Variants in SLC39A8 observed in about 807,000 individuals in gnomAD.
SLC39A8 encodes solute carrier family 39 member 8.
In SLC39A8, 15 loss-of-function variants were observed where a neutral mutation model predicts 40.4. The observed-to-expected ratio is 0.37, with a 90% CI of 0.25 to 0.57. SLC39A8 has a LOEUF of 0.57. Among genes scored for constraint, SLC39A8 ranks in the 20% least tolerant of loss-of-function variants. The pLI is 0.75. For synonymous variants in SLC39A8, 223 were observed against 221.6 expected (o/e 1.01, Z -0.06); for missense variants, 472 against 558.8 (o/e 0.84, Z 1.57).
chr4:102,256,146 T>C (rs1731703873), intron 11 of SLC39A8, among the ~76,000 whole-genome samples: 1 of 152,192 alleles, frequency 6.6e-6, no homozygotes, highest in African/African-American at 2.4e-5. Flanking sequence ...GGTTAGCACA[T>C]ACAATGACTC....
In SLC39A8 at chr4:102,344,693, G is replaced by A. The variant is rs528889379; in HGVS notation, c.-31C>T. Reference sequence around the variant, plus strand: ...CCTGGGCTTCCCCTTGAGGGCCCGCGACGGGCTGCCGCGCAGAGGGACGCG... The same window carrying A: ...CCTGGGCTTCCCCTTGAGGGCCCGCAACGGGCTGCCGCGCAGAGGGACGCG... On this transcript the variant is annotated 5_prime_UTR_variant, in exon 2 of 9. Transcript: ENST00000356736. 127 of 1,417,490 alleles carry A rather than the reference G, an allele frequency of 9.0e-5. No individual in the cohort carries two copies. Among genetic ancestry groups the A allele is most frequent in the Admixed American group, 1.4e-4 (4 of 29,384 alleles). 87.8% of individuals were successfully genotyped at this position (1,417,490 alleles called of 1,614,324 possible).
chr4:102,285,551 T>C (rs909769033), intron 6 of SLC39A8, among the ~76,000 whole-genome samples: 1 of 152,038 alleles, frequency 6.6e-6, no homozygotes, highest in African/African-American at 2.4e-5. Context: ...AAAAGTGAAA[T>C]TTGTTATCTG....
Position 102,307,333 on chromosome 4 carries a change from G to A in SLC39A8, c.552+103C>T, listed in dbSNP as rs148020713. The A allele has an allele frequency of 6.8e-5, 91 of 1,334,302 alleles. No homozygotes were observed. In the African/African-American group the frequency reaches 1.1e-3, roughly 17 times the overall value. 82.7% of individuals were successfully genotyped at this position (1,334,302 alleles called of 1,614,324 possible). Reference sequence around the variant, plus strand: ...CTCTTATCCAAGACACTATAAACTAGACCATAAAACGCTGTAAGAATTATG... The same window carrying A: ...CTCTTATCCAAGACACTATAAACTAAACCATAAAACGCTGTAAGAATTATG... On this transcript the variant is annotated intron_variant, in intron 4 of 8. Transcript: ENST00000356736.
intron 2 of SLC39A8, among the ~76,000 whole-genome samples, chr4:102,324,066 A>G (rs1203864696): frequency 6.6e-6 from 1 of 152,156 alleles, no homozygotes; most frequent in African/African-American, 2.4e-5. Flanking sequence ...CAATATATTC[A>G]TGTAACAAAA....
intron 2 of SLC39A8, chr4:102,324,287 C>T (rs565436201): frequency 7.8e-5 from 25 of 321,026 alleles, no homozygotes; most frequent in Admixed American, 2.1e-4. Context: ...CCCAGCTACT[C>T]GGAAGGCTGA....
At chr4:102,289,570 A>C (rs1733330861) in intron 6 of SLC39A8, among the ~76,000 whole-genome samples, 2 of 152,188 alleles carry the variant, frequency 1.3e-5, no homozygotes, top group Admixed American at 6.6e-5. Flanking sequence ...TCATCAATCT[A>C]GATGCCATTA....
chr4:102,257,906 A>G (rs534562877), downstream of SLC39A8, among the ~76,000 whole-genome samples: 13 of 152,262 alleles, frequency 8.5e-5, no homozygotes, highest in South Asian at 2.5e-3. Context: ...CGCTGGAGGG[A>G]TACTGCAACA....
chr4:102,258,111 GTTTTTTT>G (rs761041063), downstream of SLC39A8, among the ~76,000 whole-genome samples: 17 of 143,830 alleles, frequency 1.2e-4, no homozygotes, highest in Non-Finnish European at 1.7e-4. Flanking sequence ...TTTGTTTTTT[GTTTTTTT>G]TTTTGAGACG....
chr4:102,276,649 T>A (rs1170870936), intron 6 of SLC39A8, among the ~76,000 whole-genome samples: 1 of 152,168 alleles, frequency 6.6e-6, no homozygotes, highest in Non-Finnish European at 1.5e-5. Flanking sequence ...GAGGCCAGCA[T>A]CATCCTGATA....
intron 2 of SLC39A8, among the ~76,000 whole-genome samples, chr4:102,335,793 C>T (rs1003194509): frequency 6.6e-6 from 1 of 152,152 alleles, no homozygotes; most frequent in African/African-American, 2.4e-5. Context: ...CTGTAAAAGC[C>T]TCTCTGAAGG....
chr4:102,307,616 G>A lies in SLC39A8; in HGVS notation c.383-11C>T, dbSNP rs1319583047. On this transcript the variant is annotated splice_polypyrimidine_tract_variant and intron_variant, in intron 3 of 8. Transcript: ENST00000356736. The stretch of plus-strand genomic sequence containing the variant: ...ATCCATATCCCCAAACTGTGGGTCA[G>A]AGGGAAAAGAGAGTAGAAATTAATC... 1 of 1,607,446 alleles carries A rather than the reference G, an allele frequency of 6.2e-7. No individual in the cohort carries two copies.
chr4:102,339,737 GTTTCTCCAAA>G (rs1735827664), intron 2 of SLC39A8, among the ~76,000 whole-genome samples: 1 of 152,066 alleles, frequency 6.6e-6, no homozygotes, highest in African/African-American at 2.4e-5. Flanking sequence ...TACCTTCTGA[GTTTCTCCAAA>G]TTCAAGTGGT....
intron 2 of SLC39A8, among the ~76,000 whole-genome samples, chr4:102,334,398 A>G (rs72926726): frequency 0.021 from 3,168 of 152,238 alleles, 99 homozygotes; most frequent in African/African-American, 0.071. Flanking sequence ...TTCTCACAAT[A>G]TTGTTTCGAG....
chr4:102,279,382 G>A (rs544896188), intron 6 of SLC39A8, among the ~76,000 whole-genome samples: 2 of 152,252 alleles, frequency 1.3e-5, no homozygotes, highest in African/African-American at 4.8e-5. Flanking sequence ...AGGGGGAATT[G>A]ATTTTCTGCT....
At chr4:102,320,355 T>TATATATATGAGTATATATATATGAGA (rs1734882887) in intron 2 of SLC39A8, among the ~76,000 whole-genome samples, 3 of 127,050 alleles carry the variant, frequency 2.4e-5, no homozygotes, top group Non-Finnish European at 3.2e-5. Flanking sequence ...TATATGAGAA[T>TATATATATGAGTATATATATATGAGA]ATATATATGA....
chr4:102,344,533 A>G lies in SLC39A8; in HGVS notation c.130T>C (p.Ser44Pro). 6.4e-7 allele frequency: 1 copy of G among 1,559,054 alleles called. No individual in the cohort carries two copies. Among genetic ancestry groups the G allele is most frequent in the South Asian group, 1.2e-5 (1 of 84,418 alleles). Residue 44 changes from serine (S) to proline (P), a missense_variant, in exon 2 of 9, where the codon TCG (serine) becomes CCG (proline). Ser to Pro is a moderately conservative substitution (Grantham distance 74). Coordinates refer to ENST00000356736, the MANE Select transcript of SLC39A8 (RefSeq NM_001135146.2). ...LSVFGANLSL[S>P]AAQLQHLLEQ... ...AGCAAGTGCTGGAGCTGCGCCGCCG[A>G]CAGGCTCAGATTCGCGCCGAACACG...
chr4:102,342,584 ATTATGGGCTTC>A lies in SLC39A8; in HGVS notation c.219+1849_219+1859del, dbSNP rs534131046. Among the ~76,000 whole-genome samples, 75 of 152,336 alleles carry A rather than the reference ATTATGGGCTTC, an allele frequency of 4.9e-4. 1 individual carries two copies. The highest frequency in any genetic ancestry group is 1.7e-3 in the African/African-American group (72 of 41,574). ...TTGGCTTCCTTTTCTTTCCAAGGTA[ATTATGGGCTTC>A]TTCCTGTCTCTTTTTGATGCCCACA... On this transcript the variant is annotated intron_variant, in intron 2 of 8. Coordinates refer to ENST00000356736, the MANE Select transcript of SLC39A8 (RefSeq NM_001135146.2).
At chr4:102,299,999 T>A (rs1733848195) in intron 6 of SLC39A8, among the ~76,000 whole-genome samples, 1 of 152,068 alleles carries the variant, frequency 6.6e-6, no homozygotes, top group South Asian at 2.1e-4. Flanking sequence ...ACACAAAGCA[T>A]GTCACAAGGT....
At position 102,320,229 on chromosome 4, in the gene SLC39A8, GTATA is replaced by G. The variant is rs1182968784; in HGVS notation, c.220-4403_220-4400del. ...TATATATATATGTATATATGTATGA[GTATA>G]TATATATGAGAATATATATATGAGT... On this transcript the variant is annotated intron_variant, in intron 2 of 8. Coordinates refer to ENST00000356736, the MANE Select transcript of SLC39A8 (RefSeq NM_001135146.2). Among the ~76,000 whole-genome samples the G allele has an allele frequency of 2.8e-3, 363 of 127,494 alleles. 4 individuals are homozygous for G. Among genetic ancestry groups the G allele is most frequent in the African/African-American group, 0.011 (343 of 32,250 alleles). The allele number at this position is 127,494 out of a possible 152,430, so 83.6% of individuals were successfully genotyped here. A position where few individuals can be genotyped will look rare whatever the true frequency, so the allele number is the denominator to read the frequency against.
Sources: allele counts gnomAD v4.1 joint callset (sites outside exome capture counted in the v4.1 genomes callset), GRCh38; gene constraint gnomAD v4.1.1; transcripts MANE v1.5; gene names NCBI Gene and HGNC (gene_info 2026-07-23, HGNC 2026-07-21).